PTPRM: variants seen among roughly 807,000 people sequenced by gnomAD.
PTPRM encodes the protein protein tyrosine phosphatase receptor type M.
Under a neutral mutation model 186.7 loss-of-function variants are expected in PTPRM, and 47 were observed. The ratio of observed to expected loss-of-function variants is 0.25; its 90% CI spans 0.20 to 0.32. The LOEUF is 0.32. Ranked by LOEUF, PTPRM falls within the 10% of genes least tolerant of loss-of-function variation. The pLI, the probability that PTPRM is intolerant of heterozygous loss-of-function variation, is 1.00. For missense variants in PTPRM, 1,494 were observed against 1,865.0 expected, an observed-to-expected ratio of 0.80 and a Z score of 3.66; for synonymous variants, 668 against 674.9, an observed-to-expected ratio of 0.99 and a Z score of 0.16.
At position 7,888,143 on chromosome 18, in the gene PTPRM, G is replaced by A. The variant is rs146146465; in HGVS notation, c.234G>A (p.Glu78=). Residue 78 remains glutamate (E), a synonymous_variant, in exon 3 of 33, where the codon GAG becomes GAA. Coordinates refer to ENST00000580170, the MANE Select transcript of PTPRM (RefSeq NM_001105244.2). ...TGGTGAATGCCTCTGGGAGACCTGA[G>A]GGGCAGAGAGCCCACCTGCTCTTAC... ...FMLVNASGRP[E]GQRAHLLLPQ... is the part of the protein sequence containing the mutation. 3 of 1,614,116 alleles carry A rather than the reference G, an allele frequency of 1.9e-6. No homozygotes were observed. The highest frequency in any genetic ancestry group is 2.5e-6 in the Non-Finnish European group (3 of 1,180,008).
At chr18:7,657,119 G>A (rs1041343898) in intron 1 of PTPRM, among the ~76,000 whole-genome samples, 11 of 152,160 alleles carry the variant, frequency 7.2e-5, no homozygotes, top group Non-Finnish European at 1.3e-4. Flanking sequence ...CCTGTCCCTT[G>A]ACTCTTCCTT....
chr18:7,880,902 A>G (rs375534330), intron 2 of PTPRM, among the ~76,000 whole-genome samples: 43 of 152,268 alleles, frequency 2.8e-4, no homozygotes, highest in African/African-American at 9.9e-4. Context: ...TATTGGGAGG[A>G]GTTGCATTAT....
At chr18:8,376,998 G>C (rs2095700553) in intron 26 of PTPRM, 1 of 165,066 alleles carries the variant, frequency 6.1e-6, no homozygotes, top group Admixed American at 5.6e-5. Context: ...CTTCTCCCAG[G>C]GTCCTGGGAA....
intron 14 of PTPRM, among the ~76,000 whole-genome samples, chr18:8,195,265 T>C (rs1283891422): frequency 6.6e-6 from 1 of 151,792 alleles, no homozygotes; most frequent in Non-Finnish European, 1.5e-5. Context: ...TGTATTTGCT[T>C]CGTGGTTCCA....
At chr18:8,391,598 T>C (rs1194867275) in intron 31 of PTPRM, among the ~76,000 whole-genome samples, 8 of 152,202 alleles carry the variant, frequency 5.3e-5, no homozygotes, top group Non-Finnish European at 8.8e-5. Flanking sequence ...GATGGTATTG[T>C]TGAGGAAGGA....
chr18:8,366,962 C>G (rs1598456916), intron 23 of PTPRM: 1 of 152,390 alleles, frequency 6.6e-6, no homozygotes, highest in East Asian at 1.9e-4. Flanking sequence ...AGGGACGCCT[C>G]CCGTTCCTTG....
chr18:8,097,441 CA>C (rs750207371), intron 11 of PTPRM, among the ~76,000 whole-genome samples: 5 of 152,114 alleles, frequency 3.3e-5, no homozygotes, highest in Non-Finnish European at 7.3e-5. Context: ...GAGCTCTGTC[CA>C]GTTATTAGTA....
intron 7 of PTPRM, among the ~76,000 whole-genome samples, chr18:7,972,052 G>C: frequency 1.2e-5 from 1 of 80,790 alleles, no homozygotes; most frequent in East Asian, 3.1e-4. Flanking sequence ...CAAAGACTTG[G>C]AACCAACCCA....
intron 31 of PTPRM, among the ~76,000 whole-genome samples, chr18:8,389,331 A>G (rs958257204): frequency 6.6e-6 from 1 of 152,224 alleles, no homozygotes; most frequent in African/African-American, 2.4e-5. Context: ...GCACCAGGAC[A>G]GGCCTAACAA....
At chr18:7,983,927 A>G (rs2082694042) in intron 7 of PTPRM, among the ~76,000 whole-genome samples, 1 of 152,188 alleles carries the variant, frequency 6.6e-6, no homozygotes, top group Admixed American at 6.5e-5. Context: ...GAGACATTTG[A>G]GATTTTCATC....
At chr18:7,993,912 AAAAC>A (rs2083394662) in intron 7 of PTPRM, among the ~76,000 whole-genome samples, 1 of 152,168 alleles carries the variant, frequency 6.6e-6, no homozygotes, top group African/African-American at 2.4e-5. Context: ...AAGGATTTAC[AAAAC>A]AAACAAAAAA....
chr18:8,031,535 G>A (rs2085975178), intron 7 of PTPRM, among the ~76,000 whole-genome samples: 1 of 152,106 alleles, frequency 6.6e-6, no homozygotes, highest in Admixed American at 6.6e-5. Context: ...AAAACTCAGG[G>A]CAAAAATGTA....
intron 4 of PTPRM, among the ~76,000 whole-genome samples, chr18:7,924,563 T>G (rs996985955): frequency 6.6e-6 from 1 of 151,992 alleles, no homozygotes; most frequent in Non-Finnish European, 1.5e-5. Flanking sequence ...AGTGAGAGAG[T>G]AGAATTCTAC....
chr18:7,949,447 C>G, intron 6 of PTPRM, 92 bp downstream of exon 6: 1 of 1,110,434 alleles, frequency 9.0e-7, no homozygotes, highest in African/African-American at 1.6e-5. Flanking sequence ...CAAACTTACC[C>G]TTGTCTGTTT....
chr18:7,991,517 G>A (rs566094756), intron 7 of PTPRM, among the ~76,000 whole-genome samples: 174 of 152,238 alleles, frequency 1.1e-3, no homozygotes, highest in African/African-American at 3.9e-3. Flanking sequence ...GGTTTGCAAG[G>A]CAGTAGCACA....
At chr18:7,858,727 A>G (rs1230098774) in intron 2 of PTPRM, among the ~76,000 whole-genome samples, 1 of 152,174 alleles carries the variant, frequency 6.6e-6, no homozygotes, top group African/African-American at 2.4e-5. Flanking sequence ...TAAGAGCTAG[A>G]GCTATCATAA....
chr18:8,260,999 T>G (rs2094625439), intron 19 of PTPRM, among the ~76,000 whole-genome samples: 1 of 151,828 alleles, frequency 6.6e-6, no homozygotes, highest in African/African-American at 2.4e-5. Flanking sequence ...AGGCGCTTTG[T>G]GTTACTCAGC....
intron 7 of PTPRM, among the ~76,000 whole-genome samples, chr18:8,055,210 T>G (rs746168622): frequency 2.6e-5 from 4 of 152,226 alleles, no homozygotes; most frequent in Non-Finnish European, 5.9e-5. Flanking sequence ...TGTCTTCAGT[T>G]AGTGCCTCTC....
intron 19 of PTPRM, among the ~76,000 whole-genome samples, chr18:8,289,534 A>G (rs1487787036): frequency 1.0e-5 from 1 of 95,414 alleles, no homozygotes; most frequent in Non-Finnish European, 2.0e-5. Flanking sequence ...ACATATATAT[A>G]CACATATATA....
Sources: allele counts gnomAD v4.1 joint callset (sites outside exome capture counted in the v4.1 genomes callset), GRCh38; gene constraint gnomAD v4.1.1; transcripts MANE v1.5; gene names NCBI Gene and HGNC (gene_info 2026-07-23, HGNC 2026-07-21).